The following PUDP variants were observed in gnomAD, a reference collection of about 807,000 sequenced individuals.
PUDP encodes pseudouridine 5'-phosphatase.
A neutral mutation model predicts 9.4 loss-of-function variants in PUDP; 8 were observed. The ratio of observed to expected loss-of-function variants is 0.85; its 90% CI spans 0.50 to 1.53. The LOEUF is 1.53. Among genes scored for constraint, PUDP ranks in the 40% most tolerant of loss-of-function variants. PUDP has a pLI of 0.00. For missense variants in PUDP, 188 were observed against 189.7 expected (o/e 0.99, Z 0.05); for synonymous variants, 99 against 80.7 (o/e 1.23, Z -1.22).
Position 6,828,871 on chromosome X carries a change from A to AT in PUDP, c.*248-122406dup, listed in dbSNP as rs926587011. On this transcript the variant is annotated intron_variant and NMD_transcript_variant, in intron 3 of 3. Transcript: ENST00000655425. ...ATGTTTTTTCATGGCTTGATAGCTT[A>AT]TTTTTTTTTTAGTGTTGAACAATAT... Among the ~76,000 whole-genome samples the AT allele has an allele frequency of 1.4e-3, 144 of 106,156 alleles. 1 individual carries two copies. Among genetic ancestry groups the AT allele is most frequent in the African/African-American group, 3.8e-3 (112 of 29,385 alleles). The allele number at this position is 106,156 out of a possible 115,157, so 92.2% of individuals were successfully genotyped here.
chrX:6,821,109 C>T (rs1041527683), intron 3 of PUDP, among the ~76,000 whole-genome samples: 1 of 111,305 alleles, frequency 9.0e-6, no homozygotes, highest in Non-Finnish European at 1.9e-5. Context: ...AGGGTTGGAA[C>T]TTCCACCCAG....
At chrX:6,775,065 C>T (rs779287087) in intron 3 of PUDP, among the ~76,000 whole-genome samples, 5 of 111,973 alleles carry the variant, frequency 4.5e-5, no homozygotes, top group African/African-American at 1.6e-4. Flanking sequence ...TTTCTTTACC[C>T]CAAAAGGAAA....
intron 3 of PUDP, among the ~76,000 whole-genome samples, chrX:6,773,669 A>G (rs1291868068): frequency 3.6e-5 from 4 of 110,905 alleles, no homozygotes; most frequent in African/African-American, 1.3e-4. Flanking sequence ...AACAGGGCCA[A>G]GGCAGAAGCA....
intron 3 of PUDP, among the ~76,000 whole-genome samples, chrX:6,809,600 T>C (rs1602628858): frequency 9.0e-6 from 1 of 110,948 alleles, no homozygotes; most frequent in African/African-American, 3.3e-5. Flanking sequence ...CCAAGCCCTA[T>C]ATGCCTTTTT....
intron 1 of PUDP, among the ~76,000 whole-genome samples, chrX:7,004,576 G>A (rs1289887745): frequency 2.7e-5 from 3 of 111,954 alleles, no homozygotes; most frequent in Non-Finnish European, 3.8e-5. Context: ...ATAATGAAAG[G>A]TTTGCCTTTT....
chrX:7,074,281 T>C (rs1930829151), intron 3 of PUDP, among the ~76,000 whole-genome samples: 1 of 112,290 alleles, frequency 8.9e-6, no homozygotes, highest in Non-Finnish European at 1.9e-5. Flanking sequence ...GCAGAAGGAT[T>C]GCTGACGCCC....
intron 3 of PUDP, 137 bp downstream of exon 3, chrX:7,077,083 C>G: frequency 2.0e-6 from 2 of 1,013,738 alleles, no homozygotes; most frequent in Non-Finnish European, 2.6e-6. Flanking sequence ...TGCCCACATA[C>G]CCAAGTTCTA....
chrX:7,144,525 C>T (rs1932828850), intron 1 of PUDP, among the ~76,000 whole-genome samples: 2 of 111,530 alleles, frequency 1.8e-5, no homozygotes, highest in Non-Finnish European at 3.8e-5. Flanking sequence ...CCCATCAGTA[C>T]TGGGCTTGGT....
At chrX:6,981,919 C>A (rs972188994) in intron 1 of PUDP, among the ~76,000 whole-genome samples, 2 of 109,393 alleles carry the variant, frequency 1.8e-5, no homozygotes, top group African/African-American at 3.3e-5. Flanking sequence ...TCCAGGCCTT[C>A]ATGGTGACTG....
At chrX:7,052,042 T>C (rs2146837832) in intron 3 of PUDP, among the ~76,000 whole-genome samples, 1 of 109,380 alleles carries the variant, frequency 9.1e-6, no homozygotes, top group South Asian at 4.0e-4. Context: ...TTCTTTTTTT[T>C]TTTTTGGTGA....
chrX:6,736,490 A>C (rs1468862468), intron 3 of PUDP, among the ~76,000 whole-genome samples: 3 of 112,332 alleles, frequency 2.7e-5, no homozygotes, highest in African/African-American at 9.7e-5. Context: ...AGAAGAAAGC[A>C]GATATTATTG....
intron 1 of PUDP, among the ~76,000 whole-genome samples, chrX:7,037,566 T>A (rs767252315): frequency 8.9e-6 from 1 of 112,188 alleles, no homozygotes; most frequent in Admixed American, 9.4e-5. Context: ...CACCTTCTCT[T>A]GGAGTTCCCA....
chrX:6,891,933 C>T (rs755671675), intron 3 of PUDP, among the ~76,000 whole-genome samples: 2 of 111,874 alleles, frequency 1.8e-5, no homozygotes, highest in African/African-American at 6.5e-5. Context: ...TTGGACAGAT[C>T]CCATGGCCAA....
intron 3 of PUDP, among the ~76,000 whole-genome samples, chrX:6,797,716 G>C (rs887929526): frequency 8.9e-6 from 1 of 111,987 alleles, no homozygotes; most frequent in African/African-American, 3.2e-5. Flanking sequence ...TGAGATGCCT[G>C]AGCCAGAAAT....
At chrX:7,145,973 G>T (rs1932849165) in intron 1 of PUDP, among the ~76,000 whole-genome samples, 1 of 112,193 alleles carries the variant, frequency 8.9e-6, no homozygotes, top group African/African-American at 3.2e-5. Context: ...TAATCTGGTA[G>T]ATTAAATTAA....
intron 1 of PUDP, among the ~76,000 whole-genome samples, chrX:6,717,352 G>A (rs1240926595): frequency 3.6e-5 from 4 of 111,352 alleles, no homozygotes; most frequent in Non-Finnish European, 7.5e-5. Flanking sequence ...TTCACTAGTG[G>A]CTGGCAGCTA....
chrX:7,064,665 A>G lies in PUDP; in HGVS notation c.510+12555T>C, dbSNP rs1930496712. 2.7e-5 allele frequency among the ~76,000 whole-genome samples: 3 copies of G among 111,040 alleles called. No homozygotes were observed. The South Asian group carries it at 1.2e-3, about 43-fold the overall frequency. On this transcript the variant is annotated intron_variant, in intron 3 of 3. Transcript: ENST00000381077. ...TCTTTCTAGAGAGCTGTGTTTGGAG[A>G]ACGGCACACAGAGCCCCTTGACTCC... is the stretch of plus-strand genomic sequence containing the variant.
At chrX:6,864,857 A>G (rs1333704254) in intron 3 of PUDP, among the ~76,000 whole-genome samples, 2 of 111,871 alleles carry the variant, frequency 1.8e-5, no homozygotes, top group Admixed American at 9.5e-5. Context: ...TAATCCAGTT[A>G]ATCTCCCCAG....
At chrX:6,942,034 G>A (rs188032359) in intron 3 of PUDP, among the ~76,000 whole-genome samples, 1,124 of 111,266 alleles carry the variant, frequency 0.01, 11 homozygotes, top group African/African-American at 0.035. Context: ...TGGAATAATA[G>A]ACACTGGAGA....
Sources: gnomAD v4.1 joint callset for allele counts (sites outside exome capture counted in the v4.1 genomes callset) on GRCh38, gnomAD v4.1.1 for gene constraint, MANE v1.5 for transcripts, NCBI Gene and HGNC (gene_info 2026-07-23, HGNC 2026-07-21) for gene names.